GPC6: variants seen among roughly 807,000 people sequenced by gnomAD.
The protein encoded by GPC6 is glypican 6, also known as glypican-6.
A neutral mutation model predicts 55.2 loss-of-function variants in GPC6; 14 were observed. The observed-to-expected ratio is 0.25, with a 90% confidence interval of 0.17 to 0.40. The LOEUF (loss-of-function observed/expected upper bound fraction) is 0.40, where lower values mean the gene tolerates loss of function less well. Ranked by LOEUF, GPC6 falls within the 10% of genes least tolerant of loss-of-function variation. The pLI is 1.00. For missense variants in GPC6, 641 were observed against 708.5 expected (o/e 0.90, Z 1.08); for synonymous variants, 278 against 259.6 (o/e 1.07, Z -0.68).
intron 3 of GPC6, among the ~76,000 whole-genome samples, chr13:94,010,058 C>T (rs912328644): frequency 1.1e-4 from 17 of 152,074 alleles, no homozygotes; most frequent in African/African-American, 3.4e-4. Flanking sequence ...AAAATACCTT[C>T]GAAGCCTGCA....
intron 4 of GPC6, among the ~76,000 whole-genome samples, chr13:94,259,323 G>A (rs1323794011): frequency 2.0e-5 from 3 of 152,200 alleles, no homozygotes; most frequent in Non-Finnish European, 4.4e-5. Flanking sequence ...ATTTATCTGG[G>A]CTGAAGTGTA....
intron 3 of GPC6, among the ~76,000 whole-genome samples, chr13:93,891,736 T>C (rs1050211169): frequency 6.6e-6 from 1 of 152,098 alleles, no homozygotes; most frequent in African/African-American, 2.4e-5. Flanking sequence ...TGTGTGTGTA[T>C]GTATACATAC....
At chr13:94,133,863 A>C (rs1887092182) in intron 4 of GPC6, among the ~76,000 whole-genome samples, 1 of 152,124 alleles carries the variant, frequency 6.6e-6, no homozygotes, top group Non-Finnish European at 1.5e-5. Context: ...CAAAGGTGAG[A>C]TATTCATCCT....
At chr13:93,915,326 A>G (rs1256078906) in intron 3 of GPC6, among the ~76,000 whole-genome samples, 1 of 152,228 alleles carries the variant, frequency 6.6e-6, no homozygotes, top group Non-Finnish European at 1.5e-5. Context: ...CTGTAAATGT[A>G]GCAAAGTGCC....
intron 1 of GPC6, among the ~76,000 whole-genome samples, chr13:93,255,639 T>C (rs921647623): frequency 6.6e-6 from 1 of 152,200 alleles, no homozygotes; most frequent in Non-Finnish European, 1.5e-5. Flanking sequence ...ATGCCTGATC[T>C]TTGAATGAAA....
At chr13:93,418,014 A>G (rs1876769028) in intron 1 of GPC6, among the ~76,000 whole-genome samples, 1 of 152,116 alleles carries the variant, frequency 6.6e-6, no homozygotes, top group Non-Finnish European at 1.5e-5. Context: ...CTTGTCAAAC[A>G]TGATTCAACA....
At chr13:93,907,054 G>A (rs528099053) in intron 3 of GPC6, among the ~76,000 whole-genome samples, 1 of 152,082 alleles carries the variant, frequency 6.6e-6, no homozygotes, top group Non-Finnish European at 1.5e-5. Context: ...ACTAGAGATA[G>A]GAGAAACTTA....
intron 3 of GPC6, among the ~76,000 whole-genome samples, chr13:93,960,801 ATT>A (rs541680060): frequency 3.0e-3 from 369 of 124,520 alleles, no homozygotes; most frequent in African/African-American, 9.7e-3. Context: ...TATTGCTGGA[ATT>A]TTTTTTTTTT....
chr13:94,119,939 T>C (rs1346862998), intron 4 of GPC6, among the ~76,000 whole-genome samples: 2 of 152,012 alleles, frequency 1.3e-5, no homozygotes, highest in African/African-American at 4.8e-5. Flanking sequence ...AACGCTCATA[T>C]AGTATTTCTT....
At chr13:93,870,556 T>A (rs997850492) in intron 3 of GPC6, among the ~76,000 whole-genome samples, 1 of 151,824 alleles carries the variant, frequency 6.6e-6, no homozygotes, top group African/African-American at 2.4e-5. Context: ...GTGTAACCCC[T>A]AAATTCATAT....
intron 4 of GPC6, among the ~76,000 whole-genome samples, chr13:94,278,674 T>A (rs1335267099): frequency 2.0e-5 from 3 of 152,246 alleles, no homozygotes; most frequent in Non-Finnish European, 4.4e-5. Context: ...AAAGGCTTTT[T>A]CTACATTTAT....
At chr13:94,081,102 C>T (rs1002535664) in intron 4 of GPC6, among the ~76,000 whole-genome samples, 2 of 152,132 alleles carry the variant, frequency 1.3e-5, no homozygotes, top group African/African-American at 2.4e-5. Flanking sequence ...ATTCTGGGCA[C>T]AGTCCCTCAA....
At chr13:94,348,308 T>C (rs139649900) in intron 6 of GPC6, among the ~76,000 whole-genome samples, 67 of 152,342 alleles carry the variant, frequency 4.4e-4, no homozygotes, top group African/African-American at 1.4e-3. Context: ...CATAACATAC[T>C]TTGTGACACA....
intron 5 of GPC6, among the ~76,000 whole-genome samples, chr13:94,301,112 G>A (rs931749614): frequency 2.2e-4 from 33 of 152,304 alleles, no homozygotes; most frequent in African/African-American, 7.7e-4. Flanking sequence ...CTGTCAATGA[G>A]TCTGACCACA....
chr13:93,640,816 T>TTCCTTCC (rs1566463733), intron 2 of GPC6, among the ~76,000 whole-genome samples: 2 of 58,428 alleles, frequency 3.4e-5, no homozygotes, highest in African/African-American at 9.4e-5. Flanking sequence ...TCCTTCCTTC[T>TTCCTTCC]TTCCTTCCTT....
intron 2 of GPC6, among the ~76,000 whole-genome samples, chr13:93,765,940 C>T (rs1270755284): frequency 6.6e-6 from 1 of 152,140 alleles, no homozygotes; most frequent in Non-Finnish European, 1.5e-5. Flanking sequence ...CCAAATGCAA[C>T]CTTGCCTCCT....
chr13:93,434,923 T>C (rs2139279849), intron 1 of GPC6, among the ~76,000 whole-genome samples: 1 of 152,216 alleles, frequency 6.6e-6, no homozygotes, highest in African/African-American at 2.4e-5. Context: ...GCCAGGATGG[T>C]CTCGATCTCT....
chr13:93,288,100 G>A (rs557125127), intron 1 of GPC6, among the ~76,000 whole-genome samples: 58 of 152,114 alleles, frequency 3.8e-4, no homozygotes, highest in Non-Finnish European at 5.0e-4. Context: ...AGTTTCAGAG[G>A]TTCTCATATT....
intron 1 of GPC6, among the ~76,000 whole-genome samples, chr13:93,421,424 A>G (rs1876919567): frequency 6.6e-6 from 1 of 152,112 alleles, no homozygotes; most frequent in Non-Finnish European, 1.5e-5. Flanking sequence ...TAAAAAAAAC[A>G]TTCTTAATGA....
Sources: gnomAD v4.1 joint callset for allele counts (sites outside exome capture counted in the v4.1 genomes callset) on GRCh38, gnomAD v4.1.1 for gene constraint, MANE v1.5 for transcripts, NCBI Gene and HGNC (gene_info 2026-07-23, HGNC 2026-07-21) for gene names.